Variants in BNC2 observed in about 807,000 individuals in gnomAD.
BNC2 encodes zinc finger protein basonuclin-2.
A neutral mutation model predicts 76.3 loss-of-function variants in BNC2; 20 were observed. That is an observed-to-expected ratio of 0.26 (90% confidence interval 0.18 to 0.38). BNC2 has a LOEUF of 0.38. Ranked by LOEUF, BNC2 falls within the 10% of genes least tolerant of loss-of-function variation. The pLI, the probability that BNC2 is intolerant of heterozygous loss-of-function variation, is 1.00. For missense variants in BNC2, 1,382 were observed against 1,399.8 expected (o/e 0.99, Z 0.20); for synonymous variants, 582 against 514.8 (o/e 1.13, Z -1.77).
At chr9:16,724,535 T>C (rs1194785646) in intron 3 of BNC2, among the ~76,000 whole-genome samples, 1 of 152,090 alleles carries the variant, frequency 6.6e-6, no homozygotes, top group East Asian at 1.9e-4. Context: ...GAGAAAATCA[T>C]ACTTGAGTAT....
chr9:16,746,164 G>A (rs1182482232), intron 1 of BNC2, among the ~76,000 whole-genome samples: 1 of 152,114 alleles, frequency 6.6e-6, no homozygotes, highest in Non-Finnish European at 1.5e-5. Context: ...TTACACCGGA[G>A]CTCAAAGCAG....
chr9:16,863,123 C>T (rs1321291861), intron 1 of BNC2, among the ~76,000 whole-genome samples: 2 of 151,950 alleles, frequency 1.3e-5, no homozygotes, highest in Non-Finnish European at 2.9e-5. Flanking sequence ...CCATATTGGC[C>T]AGGCTGGTCT....
At chr9:16,643,856 AGCTGT>A (rs1225354132) in intron 3 of BNC2, among the ~76,000 whole-genome samples, 1 of 152,194 alleles carries the variant, frequency 6.6e-6, no homozygotes, top group Non-Finnish European at 1.5e-5. Flanking sequence ...ATCTTCAAAC[AGCTGT>A]CTTCAGCACA....
At chr9:16,745,121 C>T (rs966358582) in intron 1 of BNC2, among the ~76,000 whole-genome samples, 11 of 152,158 alleles carry the variant, frequency 7.2e-5, no homozygotes, top group African/African-American at 2.7e-4. Flanking sequence ...ATAAAAGTAC[C>T]TGTTCACAGA....
At chr9:16,667,281 T>C (rs755084858) in intron 3 of BNC2, among the ~76,000 whole-genome samples, 2 of 152,264 alleles carry the variant, frequency 1.3e-5, no homozygotes, top group African/African-American at 2.4e-5. Context: ...GTGCTGTCTA[T>C]GTTTATTCAA....
rs1343012738 is a variant in BNC2, at chr9:16,416,693, T to G, written c.*2296A>C. ...CCTCCCCGTAGAACAAATGAAGAAT[T>G]AAAATGGACCCCATAGCATCCTCTG... On this transcript the variant is annotated 3_prime_UTR_variant, in exon 7 of 7. Coordinates refer to ENST00000380672, the MANE Select transcript of BNC2 (RefSeq NM_017637.6). 1 of 152,638 alleles carries G rather than the reference T, an allele frequency of 6.6e-6. No homozygotes were observed. Among genetic ancestry groups the G allele is most frequent in the African/African-American group, 2.4e-5 (1 of 41,456 alleles). 9.5% of individuals were successfully genotyped at this position (152,638 alleles called of 1,614,324 possible).
intron 5 of BNC2, among the ~76,000 whole-genome samples, chr9:16,508,011 C>T (rs886246517): frequency 6.6e-6 from 1 of 152,122 alleles, no homozygotes; most frequent in Admixed American, 6.5e-5. Context: ...GATGACCTAT[C>T]AAGCATTTTA....
intron 3 of BNC2, among the ~76,000 whole-genome samples, chr9:16,716,548 A>G (rs547741622): frequency 2.0e-5 from 3 of 152,310 alleles, no homozygotes; most frequent in African/African-American, 7.2e-5. Context: ...CTACCTATTA[A>G]TGGATTTTAA....
At chr9:16,863,078 C>G (rs1489056221) in intron 1 of BNC2, among the ~76,000 whole-genome samples, 2 of 151,988 alleles carry the variant, frequency 1.3e-5, no homozygotes, top group Non-Finnish European at 2.9e-5. Flanking sequence ...CCACGCCCAG[C>G]TAATTTTTGT....
At chr9:16,841,618 G>A (rs931691476) in intron 1 of BNC2, among the ~76,000 whole-genome samples, 9 of 152,042 alleles carry the variant, frequency 5.9e-5, no homozygotes, top group African/African-American at 2.2e-4. Flanking sequence ...TCACTGCACT[G>A]TGGTATTCAC....
chr9:16,480,583 TG>T (rs1406653983), intron 5 of BNC2, among the ~76,000 whole-genome samples: 2 of 152,064 alleles, frequency 1.3e-5, no homozygotes, highest in Non-Finnish European at 2.9e-5. Context: ...GGCGTGGGCT[TG>T]GCGGGCCCCA....
chr9:16,465,605 C>T (rs144142353), intron 5 of BNC2, among the ~76,000 whole-genome samples: 1 of 152,156 alleles, frequency 6.6e-6, no homozygotes, highest in East Asian at 1.9e-4. Context: ...ATTACATACA[C>T]GTACTTACAA....
intron 5 of BNC2, among the ~76,000 whole-genome samples, chr9:16,500,969 A>G (rs1822504984): frequency 6.6e-6 from 1 of 152,100 alleles, no homozygotes; most frequent in African/African-American, 2.4e-5. Context: ...ATACTAAGAC[A>G]GTGGTTAACA....
chr9:16,462,554 T>A (rs1474700367), intron 5 of BNC2, among the ~76,000 whole-genome samples: 1 of 152,044 alleles, frequency 6.6e-6, no homozygotes, highest in South Asian at 2.1e-4. Flanking sequence ...AAAAGCCCTA[T>A]CTAACACCAG....
chr9:16,500,588 T>C (rs1275234910), intron 5 of BNC2, among the ~76,000 whole-genome samples: 1 of 152,200 alleles, frequency 6.6e-6, no homozygotes, highest in Non-Finnish European at 1.5e-5. Flanking sequence ...CATACAGTCA[T>C]AAATGCAAGT....
intron 1 of BNC2, among the ~76,000 whole-genome samples, chr9:16,841,454 C>A (rs1415321603): frequency 1.3e-5 from 2 of 152,166 alleles, no homozygotes; most frequent in Non-Finnish European, 2.9e-5. Flanking sequence ...GCCATCAGAA[C>A]TGTAACTAAT....
intron 4 of BNC2, among the ~76,000 whole-genome samples, chr9:16,581,749 C>A (rs1255137176): frequency 1.3e-5 from 2 of 152,114 alleles, no homozygotes; most frequent in African/African-American, 4.8e-5. Flanking sequence ...AAAGAGACTG[C>A]AGAAGTAAAT....
intron 3 of BNC2, among the ~76,000 whole-genome samples, chr9:16,636,592 C>T (rs542768594): frequency 6.6e-6 from 1 of 152,256 alleles, no homozygotes; most frequent in African/African-American, 2.4e-5. Context: ...TGTGAGCCGC[C>T]ACACCCAGCT....
chr9:16,608,313 T>C (rs896716770), intron 3 of BNC2, among the ~76,000 whole-genome samples: 5 of 152,144 alleles, frequency 3.3e-5, no homozygotes, highest in Non-Finnish European at 5.9e-5. Flanking sequence ...AGCACAGTGA[T>C]AGACACAGAG....
Sources: gnomAD v4.1 joint callset for allele counts (sites outside exome capture counted in the v4.1 genomes callset) on GRCh38, gnomAD v4.1.1 for gene constraint, MANE v1.5 for transcripts, NCBI Gene and HGNC (gene_info 2026-07-23, HGNC 2026-07-21) for gene names.